The following ST8SIA4 variants were observed in gnomAD, a reference collection of about 807,000 sequenced individuals.
ST8SIA4 encodes the protein CMP-N-acetylneuraminate-poly-alpha-2,8-sialyltransferase.
A neutral mutation model predicts 33.9 loss-of-function variants in ST8SIA4; 15 were observed. The observed-to-expected ratio is 0.44, with a 90% CI of 0.30 to 0.68. ST8SIA4 has a LOEUF of 0.68. Among genes scored for constraint, ST8SIA4 ranks in the 30% least tolerant of loss-of-function variants. ST8SIA4 has a pLI of 0.10. For missense variants in ST8SIA4, 321 were observed against 428.0 expected, an observed-to-expected ratio of 0.75 and a Z score of 2.21; for synonymous variants, 171 against 151.2, an observed-to-expected ratio of 1.13 and a Z score of -0.96.
chr5:100,810,191 C>A lies in ST8SIA4; in HGVS notation c.*1656G>T, dbSNP rs772934778. The A allele has an allele frequency of 1.3e-5, 2 of 152,140 alleles. No individual in the cohort carries two copies. The highest frequency in any genetic ancestry group is 3.8e-4 in the East Asian group (2 of 5,198). The allele number at this position is 152,140 out of a possible 1,614,324, so 9.4% of individuals were successfully genotyped here. On this transcript the variant is annotated 3_prime_UTR_variant, in exon 5 of 5. Transcript: ENST00000231461. ...TGGCCTATTGGTCAATTCTGTTATA[C>A]ATTAAAAATTTTTTAATTACTTTAT...
Position 100,840,821 on chromosome 5 carries a change from A to G in ST8SIA4, c.797+15282T>C, listed in dbSNP as rs193034529. 6.7e-4 allele frequency among the ~76,000 whole-genome samples: 100 copies of G among 149,294 alleles called. No homozygotes were observed. In the Middle Eastern group the frequency reaches 0.01, roughly 16 times the overall value. On this transcript the variant is annotated intron_variant, in intron 4 of 4. Coordinates refer to ENST00000231461, the MANE Select transcript of ST8SIA4 (RefSeq NM_005668.6). ...AAAGTCCCCAAAGTTTTCTTATTAC[A>G]TATATTCCAAACAATAAAAACAAAT...
chr5:100,833,858 C>T (rs910059773), intron 4 of ST8SIA4, among the ~76,000 whole-genome samples: 1 of 152,134 alleles, frequency 6.6e-6, no homozygotes, highest in South Asian at 2.1e-4. Context: ...CCACTCCTCA[C>T]TCATCTTGCA....
chr5:100,864,593 A>G (rs200660720), intron 3 of ST8SIA4, among the ~76,000 whole-genome samples: 34,280 of 147,994 alleles, frequency 0.23, 5,476 homozygotes, highest in Non-Finnish European at 0.32. Context: ...AAAAAAAAAA[A>G]AAAAAAAAAA....
chr5:100,827,796 C>G (rs909894044), intron 4 of ST8SIA4, among the ~76,000 whole-genome samples: 3 of 152,172 alleles, frequency 2.0e-5, no homozygotes, highest in African/African-American at 7.2e-5. Context: ...CTTTGTCACT[C>G]TAGTTCCTCC....
intron 4 of ST8SIA4, among the ~76,000 whole-genome samples, chr5:100,852,522 T>G (rs1274300924): frequency 6.6e-6 from 1 of 152,100 alleles, no homozygotes; most frequent in Non-Finnish European, 1.5e-5. Flanking sequence ...AGTAAAAAAG[T>G]GGCAATCCCA....
At position 100,877,076 on chromosome 5, in the gene ST8SIA4, C is replaced by G. The variant is rs182472340; in HGVS notation, c.503+9267G>C. On this transcript the variant is annotated intron_variant, in intron 3 of 4. Transcript: ENST00000231461. ...AAGGAGTTACTGTACTAATTAGTGC[C>G]CACTGCAAGTAAACCAGGTATAATT... Among the ~76,000 whole-genome samples the G allele has an allele frequency of 2.0e-4, 30 of 151,976 alleles. 1 individual carries two copies. In the East Asian group the frequency reaches 3.3e-3, roughly 17 times the overall value.
chr5:100,872,538 T>C (rs552361727), intron 3 of ST8SIA4, among the ~76,000 whole-genome samples: 11 of 152,156 alleles, frequency 7.2e-5, no homozygotes, highest in African/African-American at 2.6e-4. Context: ...ATAGAGATAA[T>C]TGATTCATGG....
At chr5:100,898,314 C>T (rs1232167772) in intron 1 of ST8SIA4, among the ~76,000 whole-genome samples, 1 of 152,098 alleles carries the variant, frequency 6.6e-6, no homozygotes, top group Non-Finnish European at 1.5e-5. Flanking sequence ...TAATTAACTA[C>T]ATAAATAATC....
intron 4 of ST8SIA4, among the ~76,000 whole-genome samples, chr5:100,831,406 C>T (rs950972856): frequency 6.6e-6 from 1 of 152,144 alleles, no homozygotes; most frequent in African/African-American, 2.4e-5. Flanking sequence ...ATAAAAAATA[C>T]TAAAATTATA....
At chr5:100,840,327 T>A (rs1346210006) in intron 4 of ST8SIA4, among the ~76,000 whole-genome samples, 2 of 152,058 alleles carry the variant, frequency 1.3e-5, no homozygotes, top group Middle Eastern at 3.4e-3. Context: ...TGTATGTGTG[T>A]CTATTTATAT....
intron 4 of ST8SIA4, among the ~76,000 whole-genome samples, chr5:100,847,173 T>C (rs1751588286): frequency 6.6e-6 from 1 of 152,082 alleles, no homozygotes; most frequent in Non-Finnish European, 1.5e-5. Context: ...ATAGAAACCA[T>C]ATGGAAATAT....
At chr5:100,843,241 T>G (rs1357423364) in intron 4 of ST8SIA4, among the ~76,000 whole-genome samples, 2 of 151,914 alleles carry the variant, frequency 1.3e-5, no homozygotes, top group Non-Finnish European at 2.9e-5. Flanking sequence ...GGAGTGTACT[T>G]TAAATGACTA....
At chr5:100,886,833 TA>T (rs1752548096) in intron 2 of ST8SIA4, among the ~76,000 whole-genome samples, 1 of 152,110 alleles carries the variant, frequency 6.6e-6, no homozygotes, top group South Asian at 2.1e-4. Context: ...ACTGTATACA[TA>T]GATATAGTAT....
chr5:100,893,232 A>G (rs962531821), intron 2 of ST8SIA4, among the ~76,000 whole-genome samples: 1 of 152,140 alleles, frequency 6.6e-6, no homozygotes, highest in African/African-American at 2.4e-5. Context: ...AGATATTTTC[A>G]TATTCTAAAT....
intron 4 of ST8SIA4, chr5:100,816,684 T>A (rs927659383): frequency 8.7e-6 from 4 of 461,316 alleles, no homozygotes; most frequent in Non-Finnish European, 1.7e-5. Flanking sequence ...TAATTTAATG[T>A]TATATTATAA....
At chr5:100,819,340 T>C (rs1362353864) in intron 4 of ST8SIA4, among the ~76,000 whole-genome samples, 2 of 152,228 alleles carry the variant, frequency 1.3e-5, no homozygotes, top group African/African-American at 2.4e-5. Context: ...TCCCAGCAAG[T>C]ATCATACTAA....
chr5:100,848,634 C>G (rs1751619307), intron 4 of ST8SIA4, among the ~76,000 whole-genome samples: 1 of 149,860 alleles, frequency 6.7e-6, no homozygotes, highest in African/African-American at 2.4e-5. Context: ...AAAGTCTGTA[C>G]AGTGTGTGTG....
chr5:100,883,615 T>C (rs946376178), intron 3 of ST8SIA4, among the ~76,000 whole-genome samples: 11 of 152,156 alleles, frequency 7.2e-5, no homozygotes, highest in Non-Finnish European at 1.3e-4. Context: ...TCGTCTCAAA[T>C]TGTACTCTTA....
At position 100,845,322 on chromosome 5, in the gene ST8SIA4, G is replaced by A. The variant is rs1751546055; in HGVS notation, c.797+10781C>T. 2.6e-5 allele frequency among the ~76,000 whole-genome samples: 4 copies of A among 151,774 alleles called. No homozygotes were observed. In the South Asian group the frequency reaches 8.3e-4, roughly 31 times the overall value. ...ACAAACTCAGGAAGTAGCTAGTCATGTTCACTGTCTAAAAATTTATATTTG... is the reference window on the plus strand; with the variant it reads ...ACAAACTCAGGAAGTAGCTAGTCATATTCACTGTCTAAAAATTTATATTTG... On this transcript the variant is annotated intron_variant, in intron 4 of 4. Transcript: ENST00000231461.
Sources: gnomAD v4.1 joint callset for allele counts (sites outside exome capture counted in the v4.1 genomes callset) on GRCh38, gnomAD v4.1.1 for gene constraint, MANE v1.5 for transcripts, NCBI Gene and HGNC (gene_info 2026-07-23, HGNC 2026-07-21) for gene names.